Variants in ANTXR1 observed in about 807,000 individuals in gnomAD.
ANTXR1 encodes ANTXR cell adhesion molecule 1.
A neutral mutation model predicts 78.1 loss-of-function variants in ANTXR1; 19 were observed. That is an observed-to-expected ratio of 0.24 (90% confidence interval 0.17 to 0.36). The LOEUF is 0.36. Ranked by LOEUF, ANTXR1 falls within the 10% of genes least tolerant of loss-of-function variation. The probability of loss-of-function intolerance (pLI) is 1.00; values close to 1 mark genes in which losing one functional copy is unlikely to be tolerated. For missense variants in ANTXR1, 518 were observed against 718.6 expected, an observed-to-expected ratio of 0.72 and a Z score of 3.19; for synonymous variants, 273 against 260.5, an observed-to-expected ratio of 1.05 and a Z score of -0.46.
chr2:69,146,227 C>T (rs1673222708), intron 12 of ANTXR1: 2 of 985,402 alleles, frequency 2.0e-6, no homozygotes, highest in Non-Finnish European at 2.4e-6. Context: ...GATGATCCCC[C>T]AACAGGAAGA....
At chr2:69,207,823 A>G (rs939769636) in intron 17 of ANTXR1, among the ~76,000 whole-genome samples, 3 of 152,156 alleles carry the variant, frequency 2.0e-5, no homozygotes, top group African/African-American at 7.2e-5. Context: ...TGACAATTTG[A>G]AGGTGGAGAA....
At position 69,088,412 on chromosome 2, in the gene ANTXR1, G is replaced by A. The variant is rs368240772; in HGVS notation, c.643-2447G>A. On this transcript the variant is annotated intron_variant, in intron 8 of 17. Transcript: ENST00000303714. ...ATTTATTAGGAGATGTCAAATGCCT[G>A]AGGAATTTTATTTAAAACATCAAAA... 3.9e-5 allele frequency among the ~76,000 whole-genome samples: 6 copies of A among 152,306 alleles called. No individual in the cohort carries two copies. The East Asian group carries it at 7.7e-4, about 20-fold the overall frequency.
chr2:69,130,742 T>C (rs1672715968), intron 12 of ANTXR1, among the ~76,000 whole-genome samples: 1 of 152,178 alleles, frequency 6.6e-6, no homozygotes, highest in African/African-American at 2.4e-5. Flanking sequence ...CCTGCCCCAT[T>C]AGATTCACTG....
chr2:69,075,674 T>G lies in ANTXR1; in HGVS notation c.561+16T>G, dbSNP rs1173678610. 1 of 1,612,894 alleles carries G rather than the reference T, an allele frequency of 6.2e-7. No individual in the cohort carries two copies. The highest frequency in any genetic ancestry group is 1.1e-5 in the South Asian group (1 of 91,070). The stretch of plus-strand genomic sequence containing the variant: ...TGAGACACAGGTATGGTAATGGATT[T>G]CCTCAGGTTTGGAGCATACTGAGCT... On this transcript the variant is annotated intron_variant, in intron 7 of 17. Coordinates refer to ENST00000303714, the MANE Select transcript of ANTXR1 (RefSeq NM_032208.3).
At chr2:69,229,930 A>G (rs186058961) in intron 17 of ANTXR1, among the ~76,000 whole-genome samples, 2 of 152,260 alleles carry the variant, frequency 1.3e-5, no homozygotes, top group East Asian at 1.9e-4. Context: ...TTTTAAGAAG[A>G]GCAAAGTTAA....
chr2:69,185,185 C>A (rs971287947), intron 16 of ANTXR1, among the ~76,000 whole-genome samples: 2 of 152,180 alleles, frequency 1.3e-5, no homozygotes, highest in African/African-American at 2.4e-5. Flanking sequence ...CACCTAAGAT[C>A]TACTAAATCA....
intron 17 of ANTXR1, among the ~76,000 whole-genome samples, chr2:69,215,858 A>T (rs147030614): frequency 6.6e-6 from 1 of 152,304 alleles, no homozygotes; most frequent in East Asian, 1.9e-4. Context: ...ATTGCTTAAA[A>T]CTCTGCTAAT....
chr2:69,228,788 C>T (rs1281242344), intron 17 of ANTXR1, among the ~76,000 whole-genome samples: 1 of 152,146 alleles, frequency 6.6e-6, no homozygotes, highest in Non-Finnish European at 1.5e-5. Context: ...GAAAAAGGTG[C>T]ATGTGTGAAG....
intron 17 of ANTXR1, among the ~76,000 whole-genome samples, chr2:69,206,966 A>G (rs1674920097): frequency 6.6e-6 from 1 of 152,236 alleles, no homozygotes; most frequent in South Asian, 2.1e-4. Flanking sequence ...CCCTTAAGCA[A>G]CATGAAGGCT....
intron 17 of ANTXR1, among the ~76,000 whole-genome samples, chr2:69,221,971 CCTT>C (rs1287864360): frequency 1.3e-5 from 2 of 152,156 alleles, no homozygotes; most frequent in Non-Finnish European, 2.9e-5. Flanking sequence ...GAGCTAGACT[CCTT>C]AGCGGGTTTC....
In ANTXR1 at chr2:69,246,389, C is replaced by G. The variant is rs1020664243; in HGVS notation, c.*904C>G. 1 of 152,194 alleles carries G rather than the reference C, an allele frequency of 6.6e-6. No homozygotes were observed. Among genetic ancestry groups the G allele is most frequent in the East Asian group, 1.9e-4 (1 of 5,202 alleles). 9.4% of individuals were successfully genotyped at this position (152,194 alleles called of 1,614,324 possible). A position where few individuals can be genotyped will look rare whatever the true frequency, so the allele number is the denominator to read the frequency against. On this transcript the variant is annotated 3_prime_UTR_variant, in exon 18 of 18. Transcript: ENST00000303714. ...AAATCACTTGAGGTATGAAGTTTAT[C>G]CTGTTTTCCAGAGATAAACATAAGT...
chr2:69,200,616 C>T (rs1036093581), intron 17 of ANTXR1, among the ~76,000 whole-genome samples: 1 of 152,170 alleles, frequency 6.6e-6, no homozygotes, highest in African/African-American at 2.4e-5. Context: ...CTGTTCACTG[C>T]CAATTTCTAA....
chr2:69,146,081 A>G (rs1275180846), intron 12 of ANTXR1: 13 of 985,372 alleles, frequency 1.3e-5, no homozygotes, highest in Non-Finnish European at 1.6e-5. Flanking sequence ...TGTCATCCCT[A>G]ATGACACATG....
At chr2:69,152,068 T>C in intron 12 of ANTXR1, 101 bp from the exon 13 acceptor site, 2 of 1,191,080 alleles carry the variant, frequency 1.7e-6, no homozygotes, top group South Asian at 2.4e-5. Context: ...ACTGTGCTGC[T>C]CTCTGAGCCT....
intron 12 of ANTXR1, among the ~76,000 whole-genome samples, chr2:69,127,629 A>G (rs1465783660): frequency 6.6e-6 from 1 of 152,130 alleles, no homozygotes; most frequent in East Asian, 1.9e-4. Context: ...GGTTATGGCA[A>G]TATTTCAGGC....
intron 14 of ANTXR1, chr2:69,172,569 C>A: frequency 7.5e-7 from 1 of 1,341,744 alleles, no homozygotes; most frequent in Non-Finnish European, 9.6e-7. Flanking sequence ...CACTCTCTGC[C>A]GTATATATGA....
At chr2:69,197,258 G>A (rs1674686989) in intron 17 of ANTXR1, among the ~76,000 whole-genome samples, 1 of 152,166 alleles carries the variant, frequency 6.6e-6, no homozygotes, top group South Asian at 2.1e-4. Context: ...CTAAGCACAT[G>A]GTGTCCCCTG....
intron 1 of ANTXR1, among the ~76,000 whole-genome samples, chr2:69,018,583 A>G (rs572760909): frequency 3.9e-4 from 59 of 152,348 alleles, no homozygotes; most frequent in African/African-American, 1.3e-3. Context: ...CTCTCTCACA[A>G]GGGTCCCAAA....
intron 17 of ANTXR1, among the ~76,000 whole-genome samples, chr2:69,222,857 G>T (rs1675354105): frequency 6.6e-6 from 1 of 152,236 alleles, no homozygotes; most frequent in Non-Finnish European, 1.5e-5. Context: ...AGAACCTTCT[G>T]TGAGGTTCCA....
Sources: allele counts gnomAD v4.1 joint callset (sites outside exome capture counted in the v4.1 genomes callset), GRCh38; gene constraint gnomAD v4.1.1; transcripts MANE v1.5; gene names NCBI Gene and HGNC (gene_info 2026-07-23, HGNC 2026-07-21).